CTNNA3: variants seen among roughly 807,000 people sequenced by gnomAD.
CTNNA3 encodes the protein catenin alpha-3.
In CTNNA3, 76 loss-of-function variants were observed where a neutral mutation model predicts 95.7. The observed-to-expected ratio is 0.79, with a 90% CI of 0.66 to 0.96. The LOEUF is 0.96. Among genes scored for constraint, CTNNA3 ranks in the 40% least tolerant of loss-of-function variants. The pLI is 0.00. For synonymous variants in CTNNA3, 431 were observed against 374.4 expected (o/e 1.15, Z -1.74); for missense variants, 1,191 against 1,089.8 (o/e 1.09, Z -1.31).
intron 5 of CTNNA3, among the ~76,000 whole-genome samples, chr10:67,337,241 A>C (rs756300557): frequency 6.6e-6 from 1 of 152,146 alleles, no homozygotes; most frequent in African/African-American, 2.4e-5. Context: ...GAAGAAGTCA[A>C]TTCCAACCTG....
chr10:66,796,641 T>C (rs1168155627), intron 7 of CTNNA3, among the ~76,000 whole-genome samples: 4 of 152,088 alleles, frequency 2.6e-5, no homozygotes, highest in Non-Finnish European at 1.5e-5. Flanking sequence ...AAAACCACCA[T>C]ATCTCCAAAG....
At chr10:66,662,027 C>T (rs1180402204) in intron 9 of CTNNA3, among the ~76,000 whole-genome samples, 1 of 152,130 alleles carries the variant, frequency 6.6e-6, no homozygotes, top group Non-Finnish European at 1.5e-5. Context: ...TTAAAAAGTT[C>T]TGGATGCCGC....
chr10:66,854,397 A>T (rs1238296789), intron 7 of CTNNA3, among the ~76,000 whole-genome samples: 2 of 152,032 alleles, frequency 1.3e-5, no homozygotes, highest in African/African-American at 4.8e-5. Flanking sequence ...AGTGTTATAC[A>T]GAATAAAAAG....
chr10:67,035,540 TA>T (rs1454093188), intron 7 of CTNNA3, among the ~76,000 whole-genome samples: 8 of 152,186 alleles, frequency 5.3e-5, no homozygotes, highest in Non-Finnish European at 1.0e-4. Context: ...TGTGAATCAG[TA>T]AATTCTAACT....
chr10:67,204,667 G>A (rs1482142782), intron 6 of CTNNA3, among the ~76,000 whole-genome samples: 2 of 152,178 alleles, frequency 1.3e-5, no homozygotes, highest in South Asian at 2.1e-4. Context: ...GTCCGGAAAC[G>A]ACCCAATGGG....
At chr10:66,768,992 T>A (rs1839976760) in intron 8 of CTNNA3, among the ~76,000 whole-genome samples, 1 of 152,124 alleles carries the variant, frequency 6.6e-6, no homozygotes, top group African/African-American at 2.4e-5. Flanking sequence ...AAACTTCTGT[T>A]TTTAATAATT....
intron 16 of CTNNA3, among the ~76,000 whole-genome samples, chr10:65,972,232 C>G (rs2078119580): frequency 6.6e-6 from 1 of 152,038 alleles, no homozygotes; most frequent in Non-Finnish European, 1.5e-5. Context: ...TGAAACCAAT[C>G]TCTACTTGAA....
At chr10:66,284,665 A>G (rs1011235011) in intron 12 of CTNNA3, among the ~76,000 whole-genome samples, 1 of 151,972 alleles carries the variant, frequency 6.6e-6, no homozygotes, top group Admixed American at 6.6e-5. Flanking sequence ...AGGTCAGAAA[A>G]GAATTCAGAC....
chr10:66,023,537 C>T (rs1230783369), intron 15 of CTNNA3, among the ~76,000 whole-genome samples: 2 of 152,150 alleles, frequency 1.3e-5, no homozygotes, highest in Non-Finnish European at 2.9e-5. Context: ...ATACATTGCT[C>T]TCTTACTAAA....
At chr10:67,567,426 A>C (rs1365400817) in intron 3 of CTNNA3, among the ~76,000 whole-genome samples, 4 of 152,012 alleles carry the variant, frequency 2.6e-5, no homozygotes, top group African/African-American at 9.7e-5. Context: ...TTGATAATGG[A>C]GACTTGGAAG....
intron 7 of CTNNA3, among the ~76,000 whole-genome samples, chr10:67,146,258 A>G (rs1226936700): frequency 6.6e-6 from 1 of 152,246 alleles, no homozygotes; most frequent in Non-Finnish European, 1.5e-5. Flanking sequence ...GTGAATTGCA[A>G]CATTTTTAAG....
intron 5 of CTNNA3, among the ~76,000 whole-genome samples, chr10:67,331,304 A>C (rs1313762350): frequency 6.6e-6 from 1 of 152,208 alleles, no homozygotes; most frequent in East Asian, 1.9e-4. Context: ...AGCTTGAGAC[A>C]TGCAGGATAA....
chr10:67,277,012 C>A (rs1056188179), intron 5 of CTNNA3, among the ~76,000 whole-genome samples: 4 of 152,060 alleles, frequency 2.6e-5, no homozygotes, highest in Non-Finnish European at 1.5e-5. Context: ...TTCATTAATA[C>A]TTTTCTAATC....
chr10:66,020,668 ATTT>A (rs10687414), intron 15 of CTNNA3, among the ~76,000 whole-genome samples: 113 of 136,694 alleles, frequency 8.3e-4, no homozygotes, highest in African/African-American at 3.0e-3. Flanking sequence ...GATGATCTGA[ATTT>A]TTTTTTTTTT....
Position 66,404,782 on chromosome 10 carries a change from G to GGTTT in CTNNA3, c.1532-25431_1532-25430insAAAC, listed in dbSNP as rs111915906. 6.2e-3 allele frequency among the ~76,000 whole-genome samples: 918 copies of GGTTT among 149,228 alleles called. 8 individuals carry two copies. Among genetic ancestry groups the GGTTT allele is most frequent in the African/African-American group, 0.022 (879 of 40,796 alleles). On this transcript the variant is annotated intron_variant, in intron 11 of 17. Transcript: ENST00000433211. Reference sequence around the variant, plus strand: ...AAACATTATGAGGTTTTTCCTGTGGGTTTTTTTTTTCACATAGTCTATCAT... The same window carrying GGTTT: ...AAACATTATGAGGTTTTTCCTGTGGGGTTTTTTTTTTTTTCACATAGTCTATCAT...
intron 5 of CTNNA3, among the ~76,000 whole-genome samples, chr10:67,232,844 A>C (rs1284537238): frequency 3.3e-5 from 5 of 151,922 alleles, no homozygotes; most frequent in Admixed American, 2.0e-4. Flanking sequence ...AAACAAAAAA[A>C]GGCAGGGGTT....
rs1428732366 is a variant in CTNNA3 at position 66,454,792 on chromosome 10, G to A, written c.1531+65825C>T. On this transcript the variant is annotated intron_variant, in intron 11 of 17. Transcript: ENST00000433211. Reference sequence around the variant, plus strand: ...AAAATGAAGATGAAGGAGGAGGAAGGAGAGGAATGAGAGGAGGGAGAGGAG... The same window carrying A: ...AAAATGAAGATGAAGGAGGAGGAAGAAGAGGAATGAGAGGAGGGAGAGGAG... 2.2e-5 allele frequency among the ~76,000 whole-genome samples: 3 copies of A among 136,702 alleles called. No homozygotes were observed. In the Admixed American group the frequency reaches 2.3e-4, roughly 10 times the overall value. 89.7% of individuals were successfully genotyped at this position (136,702 alleles called of 152,430 possible). A position where few individuals can be genotyped will look rare whatever the true frequency, so the allele number is the denominator to read the frequency against.
rs186419848 is a variant in CTNNA3, at chr10:66,572,469, C to T, written c.1374+49223G>A. On this transcript the variant is annotated intron_variant, in intron 10 of 17. Coordinates refer to ENST00000433211, the MANE Select transcript of CTNNA3 (RefSeq NM_013266.4). ...ACCTAGACAAACTATATGTCTATCT[C>T]TACATCTACCTATCTATACATACAC... Among the ~76,000 whole-genome samples the T allele has an allele frequency of 7.4e-4, 113 of 151,678 alleles. 2 individuals are homozygous for T. Among genetic ancestry groups the T allele is most frequent in the African/African-American group, 2.6e-3 (108 of 41,314 alleles).
At chr10:66,776,558 C>T (rs1840309400) in intron 7 of CTNNA3, among the ~76,000 whole-genome samples, 1 of 152,142 alleles carries the variant, frequency 6.6e-6, no homozygotes, top group African/African-American at 2.4e-5. Context: ...ATACTCTGTC[C>T]TAACCTACTT....
Sources: allele counts gnomAD v4.1 joint callset (sites outside exome capture counted in the v4.1 genomes callset), GRCh38; gene constraint gnomAD v4.1.1; transcripts MANE v1.5; gene names NCBI Gene and HGNC (gene_info 2026-07-23, HGNC 2026-07-21).